Variants in BMP5 observed in about 807,000 individuals in gnomAD.
BMP5 encodes the protein bone morphogenetic protein 5.
BMP5 carries 23 observed loss-of-function variants against 46.6 expected under a neutral mutation model. The observed-to-expected ratio is 0.49, with a 90% CI of 0.35 to 0.70. The LOEUF is 0.70. Among genes scored for constraint, BMP5 ranks in the 30% least tolerant of loss-of-function variants. The pLI, the probability that BMP5 is intolerant of heterozygous loss-of-function variation, is 0.00. For missense variants in BMP5, 545 were observed against 565.6 expected, an observed-to-expected ratio of 0.96 and a Z score of 0.37; for synonymous variants, 204 against 191.9, an observed-to-expected ratio of 1.06 and a Z score of -0.52.
intron 1 of BMP5, among the ~76,000 whole-genome samples, chr6:55,850,749 C>A (rs1777221516): frequency 6.6e-6 from 1 of 152,172 alleles, no homozygotes; most frequent in South Asian, 2.1e-4. Flanking sequence ...TTAGCATCAA[C>A]TAAATGTGTA....
In BMP5 at chr6:55,874,465, G is replaced by A. The variant is rs1359811303; in HGVS notation, c.401C>T (p.Pro134Leu). Residue 134 changes from proline (P) to leucine (L), a missense_variant, in exon 1 of 7, where the codon CCT (proline) becomes CTT (leucine). Pro to Leu is a moderately conservative substitution (Grantham distance 98). Transcript: ENST00000370830. ...PRRIQLSRTTPLTTQSPPLAS... is the reference protein window; with the variant it reads ...PRRIQLSRTTLLTTQSPPLAS... Reference sequence around the variant, plus strand: ...TAGAGGAGGACTCTGGGTGGTCAGAGGAGTCGTCCGAGATAACTGTATGCG... The same window carrying A: ...TAGAGGAGGACTCTGGGTGGTCAGAAGAGTCGTCCGAGATAACTGTATGCG... 1 of 1,613,392 alleles carries A rather than the reference G, an allele frequency of 6.2e-7. No homozygotes were observed. Among genetic ancestry groups the A allele is most frequent in the Admixed American group, 1.7e-5 (1 of 59,894 alleles).
chr6:55,818,763 C>T (rs1776337492), intron 2 of BMP5, among the ~76,000 whole-genome samples: 2 of 152,080 alleles, frequency 1.3e-5, no homozygotes, highest in Admixed American at 1.3e-4. Context: ...AAGGAGAGAA[C>T]AGCACCTTAC....
At chr6:55,765,787 G>T (rs771979060) in intron 4 of BMP5, among the ~76,000 whole-genome samples, 1 of 152,098 alleles carries the variant, frequency 6.6e-6, no homozygotes, top group Admixed American at 6.5e-5. Context: ...ACCAATGTGT[G>T]ACGCAAGACA....
At chr6:55,867,126 C>A (rs1777661276) in intron 1 of BMP5, among the ~76,000 whole-genome samples, 2 of 152,154 alleles carry the variant, frequency 1.3e-5, no homozygotes, top group African/African-American at 4.8e-5. Flanking sequence ...CCAATGGGTT[C>A]TGTGGCTCTC....
intron 1 of BMP5, among the ~76,000 whole-genome samples, chr6:55,843,289 T>G (rs987977411): frequency 6.6e-6 from 1 of 152,118 alleles, no homozygotes; most frequent in African/African-American, 2.4e-5. Flanking sequence ...GCATACAGTT[T>G]TTTAAAGTTT....
chr6:55,812,044 T>C (rs1424105223), intron 2 of BMP5, among the ~76,000 whole-genome samples: 1 of 152,108 alleles, frequency 6.6e-6, no homozygotes, highest in Non-Finnish European at 1.5e-5. Flanking sequence ...ACAAAAGCAC[T>C]CCAAGCTCAG....
chr6:55,785,540 G>A (rs949835476), intron 3 of BMP5, among the ~76,000 whole-genome samples: 5 of 151,868 alleles, frequency 3.3e-5, no homozygotes, highest in African/African-American at 1.2e-4. Context: ...CACAGCATAC[G>A]TGGGTTTGGA....
In BMP5 at chr6:55,777,932, T is replaced by C. The variant is rs915242894; in HGVS notation, c.833-3689A>G. 1.3e-5 allele frequency among the ~76,000 whole-genome samples: 2 copies of C among 152,004 alleles called. 1 individual carries two copies. The highest frequency in any genetic ancestry group is 1.3e-4 in the Admixed American group (2 of 15,224). On this transcript the variant is annotated intron_variant, in intron 3 of 6. Transcript: ENST00000370830. ...GTGGTGAACAAAGATTCTCTCTATA[T>C]GAGAAGAATGGCTTCTGAGCAGTTC...
At chr6:55,845,150 T>C (rs963360229) in intron 1 of BMP5, among the ~76,000 whole-genome samples, 6 of 152,048 alleles carry the variant, frequency 3.9e-5, no homozygotes, top group Non-Finnish European at 8.8e-5. Flanking sequence ...ATGGCACATG[T>C]GCATAATAAG....
At chr6:55,764,860 A>G (rs1414607544) in intron 4 of BMP5, among the ~76,000 whole-genome samples, 3 of 152,298 alleles carry the variant, frequency 2.0e-5, no homozygotes, top group South Asian at 2.1e-4. Flanking sequence ...AAACTTACAG[A>G]AGAAATCAGT....
rs566757727 is a variant in BMP5 at position 55,754,249 on chromosome 6, A to G, written c.*1284T>C. Reference sequence around the variant, plus strand: ...TCAAAAAGTCAGTGTGTGTTAAAGAAAGGCCTTAGAGGGCATTCTAATAGA... The same window carrying G: ...TCAAAAAGTCAGTGTGTGTTAAAGAGAGGCCTTAGAGGGCATTCTAATAGA... On this transcript the variant is annotated 3_prime_UTR_variant, in exon 7 of 7. Coordinates refer to ENST00000370830, the MANE Select transcript of BMP5 (RefSeq NM_021073.4). 2 of 152,028 alleles carry G rather than the reference A, an allele frequency of 1.3e-5. No individual in the cohort carries two copies. The highest frequency in any genetic ancestry group is 4.1e-4 in the South Asian group (2 of 4,828). The allele number at this position is 152,028 out of a possible 1,614,324, so 9.4% of individuals were successfully genotyped here. A position where few individuals can be genotyped will look rare whatever the true frequency, so the allele number is the denominator to read the frequency against.
chr6:55,799,664 T>C (rs569843950), intron 2 of BMP5, among the ~76,000 whole-genome samples: 334 of 152,320 alleles, frequency 2.2e-3, no homozygotes, highest in Non-Finnish European at 4.0e-3. Context: ...AATTCTGCCT[T>C]TAGGTCAAAC....
At position 55,755,697 on chromosome 6, in the gene BMP5, A is replaced by G. The variant is rs890231610; in HGVS notation, c.1216-15T>C. On this transcript the variant is annotated splice_polypyrimidine_tract_variant and intron_variant, in intron 6 of 6. Coordinates refer to ENST00000370830, the MANE Select transcript of BMP5 (RefSeq NM_021073.4). ...ATCAGATGAACCTGGGAAAGAAAAA[A>G]GGTTTTGTTTTATTAAGAAATAAAA... 8.7e-6 allele frequency: 14 copies of G among 1,610,102 alleles called. No homozygotes were observed. Among genetic ancestry groups the G allele is most frequent in the East Asian group, 2.2e-5 (1 of 44,760 alleles).
At chr6:55,759,777 G>GA (rs1174687748) in intron 5 of BMP5, among the ~76,000 whole-genome samples, 1 of 151,792 alleles carries the variant, frequency 6.6e-6, no homozygotes, top group African/African-American at 2.4e-5. Context: ...TTCCCACAGA[G>GA]AAATAAAACT....
At chr6:55,760,329 C>CAT in intron 5 of BMP5, 128 bp downstream of exon 5, 1 of 794,954 alleles carries the variant, frequency 1.3e-6, no homozygotes, top group Non-Finnish European at 2.1e-6. Flanking sequence ...GTGAATAAGC[C>CAT]ATATTCTAAA....
At chr6:55,774,673 T>G (rs1428452345) in intron 3 of BMP5, among the ~76,000 whole-genome samples, 1 of 151,956 alleles carries the variant, frequency 6.6e-6, no homozygotes, top group Non-Finnish European at 1.5e-5. Context: ...TTCTACTTTC[T>G]CCAGCCTATT....
intron 2 of BMP5, among the ~76,000 whole-genome samples, chr6:55,812,209 T>C (rs1290015440): frequency 2.6e-5 from 4 of 152,230 alleles, no homozygotes; most frequent in Admixed American, 2.6e-4. Flanking sequence ...GCAAAGTGTG[T>C]TAACTTTTTA....
At chr6:55,774,734 C>G (rs1397934886) in intron 3 of BMP5, among the ~76,000 whole-genome samples, 1 of 151,932 alleles carries the variant, frequency 6.6e-6, no homozygotes, top group East Asian at 1.9e-4. Context: ...ACCTTCACTT[C>G]TGGCCAGTGC....
At chr6:55,838,631 A>G (rs1246343594) in intron 1 of BMP5, among the ~76,000 whole-genome samples, 1 of 152,096 alleles carries the variant, frequency 6.6e-6, no homozygotes, top group Non-Finnish European at 1.5e-5. Context: ...CTTGCTGTGC[A>G]GAAGGTTTTT....
Sources: gnomAD v4.1 joint callset for allele counts (sites outside exome capture counted in the v4.1 genomes callset) on GRCh38, gnomAD v4.1.1 for gene constraint, MANE v1.5 for transcripts, NCBI Gene and HGNC (gene_info 2026-07-23, HGNC 2026-07-21) for gene names.